Variants in ASXL2 observed in about 807,000 individuals in gnomAD.
ASXL2 encodes putative Polycomb group protein ASXL2.
Under a neutral mutation model 122.0 loss-of-function variants are expected in ASXL2, and 23 were observed. That is an observed-to-expected ratio of 0.19 (90% CI 0.14 to 0.27). The LOEUF is 0.27. Ranked by LOEUF, ASXL2 falls within the 10% of genes least tolerant of loss-of-function variation. The probability of loss-of-function intolerance (pLI) is 1.00; values close to 1 mark genes in which losing one functional copy is unlikely to be tolerated. For missense variants in ASXL2, 1,518 were observed against 1,713.8 expected (o/e 0.89, Z 2.02); for synonymous variants, 650 against 637.0 (o/e 1.02, Z -0.31).
intron 4 of ASXL2, among the ~76,000 whole-genome samples, chr2:25,799,973 G>A (rs1475085274): frequency 4.4e-5 from 6 of 134,976 alleles, no homozygotes; most frequent in Admixed American, 7.8e-5. Context: ...GGTGAAACCC[G>A]TCTCTACAAA....
chr2:25,742,533 T>G lies in ASXL2; in HGVS notation c.3804A>C (p.Ala1268=), dbSNP rs769337369. The G allele has an allele frequency of 1.7e-5, 28 of 1,613,942 alleles. No homozygotes were observed. In the South Asian group the frequency reaches 2.0e-4, roughly 11 times the overall value. The change falls in exon 13 of 13, where the codon GCA becomes GCC. Residue 1268 remains alanine, a synonymous_variant. Coordinates refer to ENST00000435504, the MANE Select transcript of ASXL2 (RefSeq NM_018263.6). ...EKTLARDLIQ[A]AQKQMAHAVR... ...CTGCATGAGCCATCTGCTTCTGTGC[T>G]GCCTGAATTAAATCTCTGGCTAGGG...
At chr2:25,878,090 C>T in intron 1 of ASXL2, 76 bp downstream of exon 1, 1 of 1,578,576 alleles carries the variant, frequency 6.3e-7, no homozygotes, top group South Asian at 1.1e-5. Flanking sequence ...GGCCAGTGAC[C>T]TCCCTTTCCC....
At position 25,742,489 on chromosome 2, in the gene ASXL2, C is replaced by T. The variant is rs572342520; in HGVS notation, c.3848G>A (p.Arg1283His). The change falls in exon 13 of 13, where the codon CGT becomes CAT. Residue 1283 changes from arginine (R) to histidine (H), a missense_variant. Transcript: ENST00000435504. ...AGAACTGAAAAGCTCGGGGCTGCTA[C>T]GGATTGCCTTACCTCTCACTGCATG... The part of the protein sequence containing the change: ...MAHAVRGKAI[R>H]SSPELFSSTV... 49 of 1,613,814 alleles carry T rather than the reference C, an allele frequency of 3.0e-5. No homozygotes were observed. Among genetic ancestry groups the T allele is most frequent in the South Asian group, 2.4e-4 (22 of 91,008 alleles).
At chr2:25,878,116 A>G in intron 1 of ASXL2, 50 bp downstream of exon 1, 1 of 1,607,704 alleles carries the variant, frequency 6.2e-7, no homozygotes, top group Non-Finnish European at 8.5e-7. Flanking sequence ...CTGGCGGGCG[A>G]CAAGGGAACA....
chr2:25,844,311 T>C (rs941610255), intron 2 of ASXL2, among the ~76,000 whole-genome samples: 4 of 152,174 alleles, frequency 2.6e-5, no homozygotes, highest in African/African-American at 7.2e-5. Flanking sequence ...CCAGGCATGG[T>C]GACTCATGCC....
chr2:25,807,411 C>T (rs1236731657), intron 3 of ASXL2, among the ~76,000 whole-genome samples: 1 of 152,104 alleles, frequency 6.6e-6, no homozygotes, highest in Non-Finnish European at 1.5e-5. Flanking sequence ...AGGTTTTCAT[C>T]CCCCCAAAAC....
chr2:25,761,032 T>C (rs2088233296), intron 8 of ASXL2, among the ~76,000 whole-genome samples: 1 of 152,248 alleles, frequency 6.6e-6, no homozygotes, highest in Middle Eastern at 3.4e-3. Context: ...AGCCAAACAA[T>C]TTACCCTCAA....
At position 25,741,998 on chromosome 2, in the gene ASXL2, C is replaced by G; in HGVS notation, c.*31G>C. The G allele has an allele frequency of 6.4e-7, 1 of 1,571,410 alleles. No individual in the cohort carries two copies. The highest frequency in any genetic ancestry group is 2.3e-5 in the East Asian group (1 of 44,268). On this transcript the variant is annotated 3_prime_UTR_variant, in exon 13 of 13. Coordinates refer to ENST00000435504, the MANE Select transcript of ASXL2 (RefSeq NM_018263.6). ...CAACTGGTCAACCCTTCCCTTCCCCCTCCTTTACAGTGTATCTCTTTCTAG... is the reference window on the plus strand; with the variant it reads ...CAACTGGTCAACCCTTCCCTTCCCCGTCCTTTACAGTGTATCTCTTTCTAG...
chr2:25,799,262 G>A, intron 5 of ASXL2, 123 bp downstream of exon 5: 1 of 1,325,198 alleles, frequency 7.5e-7, no homozygotes, highest in South Asian at 1.3e-5. Context: ...CTCCTTGACA[G>A]GACTGTTATA....
chr2:25,756,181 T>G, intron 9 of ASXL2, 67 bp from the exon 10 acceptor site: 4 of 877,216 alleles, frequency 4.6e-6, no homozygotes, highest in Non-Finnish European at 6.8e-6. Context: ...GTATTTGACC[T>G]TCCTTTCATT....
At chr2:25,786,240 A>ATTTTTTTTTTTT (rs1559510977) in intron 5 of ASXL2, among the ~76,000 whole-genome samples, 2 of 41,576 alleles carry the variant, frequency 4.8e-5, no homozygotes, top group Admixed American at 4.2e-4. Flanking sequence ...ACTCCACATC[A>ATTTTTTTTTTTT]TTCTTTTTTT....
intron 3 of ASXL2, among the ~76,000 whole-genome samples, chr2:25,834,949 AGTAGCTGGGATTACGG>A (rs2089491594): frequency 1.3e-5 from 2 of 151,888 alleles, no homozygotes; most frequent in Non-Finnish European, 2.9e-5. Flanking sequence ...CAGCCTCCCG[AGTAGCTGGGATTACGG>A]GCGCCGGCCA....
At chr2:25,849,527 T>G (rs1357839458) in intron 1 of ASXL2, among the ~76,000 whole-genome samples, 6 of 150,074 alleles carry the variant, frequency 4.0e-5, no homozygotes, top group Non-Finnish European at 8.9e-5. Context: ...CAGGCTGGAG[T>G]GCGGTGGTGC....
At position 25,735,279 on chromosome 2, in the gene ASXL2, T is replaced by C. The variant is rs1389574447; in HGVS notation, c.*6750A>G. 6 of 152,228 alleles carry C rather than the reference T, an allele frequency of 3.9e-5. No individual in the cohort carries two copies. The East Asian group carries it at 5.8e-4, about 15-fold the overall frequency. 9.4% of individuals were successfully genotyped at this position (152,228 alleles called of 1,614,324 possible). A position where few individuals can be genotyped will look rare whatever the true frequency, so the allele number is the denominator to read the frequency against. On this transcript the variant is annotated 3_prime_UTR_variant, in exon 13 of 13. Transcript: ENST00000435504. Reference sequence around the variant, plus strand: ...AAGCAAAACTCAATCTATTATTAAATGTTACCAAGTATTAGGAAAACTGAG... The same window carrying C: ...AAGCAAAACTCAATCTATTATTAAACGTTACCAAGTATTAGGAAAACTGAG...
intron 1 of ASXL2, among the ~76,000 whole-genome samples, chr2:25,864,923 C>T (rs2089883892): frequency 6.6e-6 from 1 of 151,778 alleles, no homozygotes; most frequent in African/African-American, 2.4e-5. Context: ...TCTCCACCTC[C>T]TGGATTCGAG....
rs1425516543 is a variant in ASXL2 at position 25,744,663 on chromosome 2, C to T, written c.1861-187G>A. Among the ~76,000 whole-genome samples the T allele has an allele frequency of 6.6e-6, 1 of 152,180 alleles. No individual in the cohort carries two copies. The highest frequency in any genetic ancestry group is 1.5e-5 in the Non-Finnish European group (1 of 68,034). ...TACTAGTTTGTCTCTAGGGTCCTTG[C>T]ATCCACTTTTTCTATTGGTGCCAAA... On this transcript the variant is annotated intron_variant, in intron 12 of 12. Transcript: ENST00000435504. This position sits in a 1 kb window ranked among gnomAD's most constrained non-coding sequence, Gnocchi z 4.7.
intron 9 of ASXL2, among the ~76,000 whole-genome samples, chr2:25,757,413 T>A (rs1241983751): frequency 1.4e-5 from 2 of 144,646 alleles, no homozygotes; most frequent in Non-Finnish European, 3.0e-5. Context: ...CCGAGGCAGG[T>A]GGATCACGAG....
chr2:25,743,683 G>A lies in ASXL2; in HGVS notation c.2654C>T (p.Ser885Phe), dbSNP rs1461268199. Reference protein sequence around the residue: ...DASVPVAVTPSPLTSLLTTAT... With the variant: ...DASVPVAVTPFPLTSLLTTAT... ...TGTGGTCAATAAAGATGTTAAAGGG[G>A]AGGGAGTTACAGCCACTGGCACACT... The change falls in exon 13 of 13, where the codon TCC becomes TTC. Residue 885 changes from serine (S) to phenylalanine (F), a missense_variant. Physicochemically the swap from Ser to Phe is radical, Grantham distance 155. Coordinates refer to ENST00000435504, the MANE Select transcript of ASXL2 (RefSeq NM_018263.6). The A allele has an allele frequency of 6.2e-7, 1 of 1,614,004 alleles. No homozygotes were observed. The highest frequency in any genetic ancestry group is 8.5e-7 in the Non-Finnish European group (1 of 1,179,898).
chr2:25,768,746 T>G lies in ASXL2; in HGVS notation c.627A>C (p.Lys209Asn). The change falls in exon 7 of 13, where the codon AAA becomes AAC. Residue 209 changes from lysine to asparagine, a missense_variant. Lys to Asn is a moderately conservative substitution (Grantham distance 94). Around this residue, in one of 8 missense-constraint regions of ASXL2, gnomAD observed 198 missense variants for 209.0 expected, o/e 0.95. Transcript: ENST00000435504. ...AAAACTGCCCAAACTGCCTACCAGG[T>G]TTGGCAGGTACAGAGTCACTGGCTG... is the stretch of plus-strand genomic sequence containing the variant. ...VKAASDSVPA[K>N]PATWEGKQSD... 1 of 1,612,550 alleles carries G rather than the reference T, an allele frequency of 6.2e-7. No individual in the cohort carries two copies. The highest frequency in any genetic ancestry group is 1.1e-5 in the South Asian group (1 of 90,788).
Sources: allele counts gnomAD v4.1 joint callset (sites outside exome capture counted in the v4.1 genomes callset), GRCh38; gene constraint gnomAD v4.1.1; regional missense constraint gnomAD v4.1.1; non-coding constraint Gnocchi (gnomAD v3.1); transcripts MANE v1.5; gene names NCBI Gene and HGNC (gene_info 2026-07-23, HGNC 2026-07-21).